Variants in CRISPLD2 observed in about 807,000 individuals in gnomAD.
The protein encoded by CRISPLD2 is cysteine-rich secretory protein LCCL domain-containing 2.
In CRISPLD2, 47 loss-of-function variants were observed where a neutral mutation model predicts 71.1. The ratio of observed to expected loss-of-function variants is 0.66; its 90% CI spans 0.52 to 0.84. CRISPLD2 has a LOEUF of 0.84. Among genes scored for constraint, CRISPLD2 ranks in the 40% least tolerant of loss-of-function variants. The probability of loss-of-function intolerance (pLI) is 0.00; values close to 1 mark genes in which losing one functional copy is unlikely to be tolerated. For synonymous variants in CRISPLD2, 317 were observed against 250.1 expected, an observed-to-expected ratio of 1.27 and a Z score of -2.52; for missense variants, 830 against 651.1, an observed-to-expected ratio of 1.27 and a Z score of -2.99.
At chr16:84,901,492 C>G (rs1160877068) in intron 14 of CRISPLD2, among the ~76,000 whole-genome samples, 1 of 133,758 alleles carries the variant, frequency 7.5e-6, no homozygotes, top group Non-Finnish European at 1.6e-5. Context: ...TTTTTTTTGA[C>G]GCAGAGTCTC....
At chr16:84,888,836 G>T (rs2071635959) in intron 13 of CRISPLD2, among the ~76,000 whole-genome samples, 1 of 152,146 alleles carries the variant, frequency 6.6e-6, no homozygotes, top group Admixed American at 6.5e-5. Context: ...TTCTGAAGTA[G>T]CCCCCGCCAC....
chr16:84,849,877 C>T (rs536829360), intron 4 of CRISPLD2, among the ~76,000 whole-genome samples: 1 of 144,902 alleles, frequency 6.9e-6, no homozygotes, highest in Non-Finnish European at 1.5e-5. Context: ...ACTACGAGGC[C>T]TGGCTAATTT....
chr16:84,887,085 T>C (rs758774915), intron 13 of CRISPLD2, among the ~76,000 whole-genome samples: 31 of 152,182 alleles, frequency 2.0e-4, no homozygotes, highest in Non-Finnish European at 4.0e-4. Flanking sequence ...TCTTGCTCTC[T>C]TCTTGAAGGA....
At chr16:84,905,203 G>A (rs2071790399) in intron 14 of CRISPLD2, among the ~76,000 whole-genome samples, 1 of 152,102 alleles carries the variant, frequency 6.6e-6, no homozygotes, top group Non-Finnish European at 1.5e-5. Context: ...GGAGGTCAAG[G>A]CTGAAGTAAG....
At chr16:84,895,875 C>T (rs1299131162) in intron 14 of CRISPLD2, among the ~76,000 whole-genome samples, 7 of 152,056 alleles carry the variant, frequency 4.6e-5, no homozygotes, top group African/African-American at 7.3e-5. Context: ...AAGGAGTGGG[C>T]ACTTTGAGGA....
At chr16:84,854,976 C>T (rs557373865) in intron 6 of CRISPLD2, 147 bp downstream of exon 6, 166 of 673,712 alleles carry the variant, frequency 2.5e-4, no homozygotes, top group Non-Finnish European at 3.7e-4. Context: ...CTCCCGCCTC[C>T]GTGATGAGCT....
Position 84,849,371 on chromosome 16 carries a change from T to A in CRISPLD2, c.360-14T>A. ...GGAGGGGCTGGGACTGAGTGAGCGG[T>A]TTCTGCCCTGCAGGTATCGCTCTCC... On this transcript the variant is annotated splice_polypyrimidine_tract_variant and intron_variant, in intron 3 of 14. Transcript: ENST00000262424. 1 of 1,608,580 alleles carries A rather than the reference T, an allele frequency of 6.2e-7. No homozygotes were observed. The highest frequency in any genetic ancestry group is 8.5e-7 in the Non-Finnish European group (1 of 1,175,936).
chr16:84,877,652 C>G lies in CRISPLD2; in HGVS notation c.1229+142C>G. On this transcript the variant is annotated intron_variant, in intron 12 of 14. Transcript: ENST00000262424. ...ATCACTTGAGGCCAGGAGTTCGTGA[C>G]CAGCCTGGCCAACATGGTGAAACCC... The G allele has an allele frequency of 5.3e-6, 3 of 563,570 alleles. No homozygotes were observed. The East Asian group carries it at 1.1e-4, about 21-fold the overall frequency. The allele number at this position is 563,570 out of a possible 1,614,324, so 34.9% of individuals were successfully genotyped here. A position where few individuals can be genotyped will look rare whatever the true frequency, so the allele number is the denominator to read the frequency against.
intron 14 of CRISPLD2, among the ~76,000 whole-genome samples, chr16:84,905,662 A>G (rs1293309096): frequency 2.0e-5 from 1 of 50,188 alleles, no homozygotes; most frequent in African/African-American, 1.7e-4. Flanking sequence ...AAGTGCTGGG[A>G]TTCCAGGTGT....
At chr16:84,898,603 C>A (rs140866203) in intron 14 of CRISPLD2, among the ~76,000 whole-genome samples, 9 of 152,274 alleles carry the variant, frequency 5.9e-5, no homozygotes, top group African/African-American at 2.2e-4. Context: ...GTGTCATTTC[C>A]CCTGACTCAT....
intron 2 of CRISPLD2, among the ~76,000 whole-genome samples, chr16:84,845,157 G>A (rs1169274985): frequency 2.6e-5 from 4 of 152,196 alleles, no homozygotes; most frequent in African/African-American, 9.7e-5. Context: ...TTCTGTGACT[G>A]GCTGTGGGAC....
intron 14 of CRISPLD2, among the ~76,000 whole-genome samples, chr16:84,900,260 A>G (rs754927062): frequency 3.3e-5 from 5 of 151,936 alleles, no homozygotes; most frequent in Non-Finnish European, 7.4e-5. Context: ...GGGCTAAAAA[A>G]CAACCAGGAA....
Position 84,844,675 on chromosome 16 carries a change from T to C in CRISPLD2, c.241-1111T>C, listed in dbSNP as rs180788222. Among the ~76,000 whole-genome samples, 608 of 152,218 alleles carry C rather than the reference T, an allele frequency of 4.0e-3. 1 individual carries two copies. The highest frequency in any genetic ancestry group is 0.014 in the African/African-American group (576 of 41,540). On this transcript the variant is annotated intron_variant, in intron 2 of 14. Coordinates refer to ENST00000262424, the MANE Select transcript of CRISPLD2 (RefSeq NM_031476.4). ...ACTGCTCCGGGCCCATCTCCGGCAC[T>C]TTCTATCTTCCAACTGAAATGCGGC...
chr16:84,822,405 G>A (rs774499771), intron 1 of CRISPLD2, among the ~76,000 whole-genome samples: 1 of 152,322 alleles, frequency 6.6e-6, no homozygotes, highest in Non-Finnish European at 1.5e-5. Flanking sequence ...CGTCTTTGGA[G>A]GTCAGAAAGT....
chr16:84,899,881 A>T (rs1195605902), intron 14 of CRISPLD2, among the ~76,000 whole-genome samples: 1 of 152,020 alleles, frequency 6.6e-6, no homozygotes, highest in Non-Finnish European at 1.5e-5. Flanking sequence ...AGGGACACAG[A>T]CCCCTGGTAA....
chr16:84,873,296 G>C, intron 10 of CRISPLD2, 174 bp downstream of exon 10: 5 of 618,886 alleles, frequency 8.1e-6, no homozygotes, highest in Non-Finnish European at 1.3e-5. Context: ...TGACCAACAT[G>C]GTGAAAGTCC....
chr16:84,825,753 T>C (rs567873244), intron 1 of CRISPLD2, among the ~76,000 whole-genome samples: 1 of 151,246 alleles, frequency 6.6e-6, no homozygotes, highest in East Asian at 1.9e-4. Flanking sequence ...AGACTCCATC[T>C]CAAATAAATA....
At chr16:84,832,926 A>C (rs532981181) in intron 1 of CRISPLD2, among the ~76,000 whole-genome samples, 11 of 152,318 alleles carry the variant, frequency 7.2e-5, no homozygotes, top group East Asian at 5.8e-4. Flanking sequence ...ACTTGGACAC[A>C]TGGTTTGGTG....
chr16:84,880,175 C>G (rs556124722), intron 12 of CRISPLD2, among the ~76,000 whole-genome samples: 2 of 152,256 alleles, frequency 1.3e-5, no homozygotes, highest in Admixed American at 1.3e-4. Context: ...TGTGAACTAG[C>G]CAACATCCAA....
Sources: allele counts gnomAD v4.1 joint callset (sites outside exome capture counted in the v4.1 genomes callset), GRCh38; gene constraint gnomAD v4.1.1; transcripts MANE v1.5; gene names NCBI Gene and HGNC (gene_info 2026-07-23, HGNC 2026-07-21).